Variants in KCNA6 observed in about 807,000 individuals in gnomAD.
The protein encoded by KCNA6 is potassium voltage-gated channel subfamily A member 6, also known as human brain potassium channel-2.
In KCNA6, 17 loss-of-function variants were observed where a neutral mutation model predicts 29.5. The ratio of observed to expected loss-of-function variants is 0.58; its 90% confidence interval spans 0.39 to 0.86. The LOEUF is 0.86. Among genes scored for constraint, KCNA6 ranks in the 40% least tolerant of loss-of-function variants. The probability of loss-of-function intolerance (pLI) is 0.00; values close to 1 mark genes in which losing one functional copy is unlikely to be tolerated. For synonymous variants in KCNA6, 296 were observed against 304.7 expected (o/e 0.97, Z 0.30); for missense variants, 450 against 703.4 (o/e 0.64, Z 4.07).
the KCNA6 span, among the ~76,000 whole-genome samples, chr12:4,827,447 A>G: frequency 3.9e-5 from 6 of 152,174 alleles, no homozygotes; most frequent in Non-Finnish European, 8.8e-5. Flanking sequence ...AGACATTTCT[A>G]TATTAAGGAG....
At chr12:4,834,126 G>C in the KCNA6 span, among the ~76,000 whole-genome samples, 3 of 151,752 alleles carry the variant, frequency 2.0e-5, no homozygotes, top group Non-Finnish European at 1.5e-5. Flanking sequence ...GTAGAGACAG[G>C]GTCTTGCTAT....
chr12:4,835,775 A>G, the KCNA6 span, among the ~76,000 whole-genome samples: 1 of 152,158 alleles, frequency 6.6e-6, no homozygotes, highest in South Asian at 2.1e-4. Flanking sequence ...ACCGAAGCCA[A>G]TATGTGTACC....
At chr12:4,843,898 A>G in the KCNA6 span, among the ~76,000 whole-genome samples, 1 of 152,142 alleles carries the variant, frequency 6.6e-6, no homozygotes, top group Admixed American at 6.5e-5. Flanking sequence ...ACCTACCTCT[A>G]ATATTGGAGA....
At chr12:4,845,410 C>A in the KCNA6 span, among the ~76,000 whole-genome samples, 3 of 152,182 alleles carry the variant, frequency 2.0e-5, no homozygotes. Flanking sequence ...CAACGCTTTT[C>A]TGATTGCTTT....
At chr12:4,814,024 C>T (rs1006553248), downstream of KCNA6, 2 of 167,036 alleles carry the variant, frequency 1.2e-5, no homozygotes, top group African/African-American at 4.8e-5. The surrounding 1 kb of genome is among the most constrained non-coding windows in gnomAD (Gnocchi z 4.6). Flanking sequence ...TACATCTTCC[C>T]AGCTTCTCAA....
chr12:4,844,622 G>A, the KCNA6 span, among the ~76,000 whole-genome samples: 1 of 152,088 alleles, frequency 6.6e-6, no homozygotes, highest in Non-Finnish European at 1.5e-5. This position sits in a 1 kb window ranked among gnomAD's most constrained non-coding sequence, Gnocchi z 4.0. Flanking sequence ...GAGGAGGAGA[G>A]TAATTTGGGT....
the KCNA6 span, among the ~76,000 whole-genome samples, chr12:4,844,816 C>A: frequency 3.3e-5 from 5 of 152,252 alleles, no homozygotes; most frequent in East Asian, 9.6e-4. This position sits in a 1 kb window ranked among gnomAD's most constrained non-coding sequence, Gnocchi z 4.0. Flanking sequence ...CTATCAAAGA[C>A]TATTTTCTGC....
Position 4,810,213 on chromosome 12 carries a change from A to C in KCNA6, c.172A>C (p.Thr58Pro), listed in dbSNP as rs1352400391. 1 of 1,613,512 alleles carries C rather than the reference A, an allele frequency of 6.2e-7. No individual in the cohort carries two copies. ...GCTGCGCTTTGAGACACAATTGCGCACCCTGTCGCTGTTTCCGGACACGCT... is the reference window on the plus strand; with the variant it reads ...GCTGCGCTTTGAGACACAATTGCGCCCCCTGTCGCTGTTTCCGGACACGCT... Residue 58 changes from threonine to proline, a missense_variant, in exon 1 of 1, where the codon ACC (threonine) becomes CCC (proline). Transcript: ENST00000280684. The surrounding 1 kb of genome is among the most constrained non-coding windows in gnomAD (Gnocchi z 7.5).
At chr12:4,835,298 C>A in the KCNA6 span, among the ~76,000 whole-genome samples, 18 of 151,938 alleles carry the variant, frequency 1.2e-4, no homozygotes, top group African/African-American at 4.1e-4. Flanking sequence ...CTGCGCCTGG[C>A]TAATTTTTTG....
In KCNA6 at chr12:4,810,373, A is replaced by G. The variant is rs758200741; in HGVS notation, c.332A>G (p.Asn111Ser). 9.3e-6 allele frequency: 15 copies of G among 1,614,020 alleles called. No individual in the cohort carries two copies. The highest frequency in any genetic ancestry group is 8.8e-5 in the South Asian group (8 of 91,086). ...GGGGGCCGCCTGCGGAGGCCGGTCA[A>G]CGTGCCCCTGGACATTTTCCTGGAG... Residue 111 changes from asparagine to serine, a missense_variant, in exon 1 of 1, where the codon AAC (asparagine) becomes AGC (serine). Physicochemically the swap from Asn to Ser is conservative, Grantham distance 46 (BLOSUM62 1). This residue lies in a region of KCNA6 where 133 missense variants were observed against 217.5 expected (regional missense o/e 0.61). Transcript: ENST00000280684. This position sits in a 1 kb window ranked among gnomAD's most constrained non-coding sequence, Gnocchi z 7.5.
At chr12:4,842,324 T>G in the KCNA6 span, among the ~76,000 whole-genome samples, 1 of 152,198 alleles carries the variant, frequency 6.6e-6, no homozygotes, top group Non-Finnish European at 1.5e-5. Flanking sequence ...ATGGTAAGTA[T>G]GAGCACGGTG....
chr12:4,809,344 G>A (rs906208970), exon 1 of KCNA6: 3 of 152,110 alleles, frequency 2.0e-5, no homozygotes, highest in African/African-American at 7.2e-5. Flanking sequence ...AGAGCGGAGA[G>A]CCGAGCCGCT....
At position 4,811,741 on chromosome 12, in the gene KCNA6, C is replaced by T; in HGVS notation, c.*110C>T. ...TTCAGTTGACTTCTTGACTCTCTCC[C>T]CTACACCCACTACCTGGCATCCAGG... On this transcript the variant is annotated 3_prime_UTR_variant, in exon 1 of 1. Transcript: ENST00000280684. This position sits in a 1 kb window ranked among gnomAD's most constrained non-coding sequence, Gnocchi z 7.1. 3.1e-6 allele frequency: 4 copies of T among 1,273,600 alleles called. No individual in the cohort carries two copies. The South Asian group carries it at 5.8e-5, about 18-fold the overall frequency. 78.9% of individuals were successfully genotyped at this position (1,273,600 alleles called of 1,614,324 possible).
the KCNA6 span, among the ~76,000 whole-genome samples, chr12:4,823,834 CT>C: frequency 2.0e-5 from 3 of 152,130 alleles, no homozygotes; most frequent in African/African-American, 7.2e-5. Context: ...CTCTCTTTTT[CT>C]TACTGCATGC....
the KCNA6 span, among the ~76,000 whole-genome samples, chr12:4,833,140 A>G: frequency 3.3e-5 from 5 of 152,326 alleles, no homozygotes; most frequent in Non-Finnish European, 5.9e-5. Flanking sequence ...TTCGTAATGC[A>G]TCAGTTAGCT....
At chr12:4,814,715 T>C (rs1466810527), downstream of KCNA6, 1 of 167,116 alleles carries the variant, frequency 6.0e-6, no homozygotes, top group Non-Finnish European at 1.5e-5. The surrounding 1 kb of genome is among the most constrained non-coding windows in gnomAD (Gnocchi z 4.6). Context: ...GCTGCCAGCC[T>C]CAGCCTGAGA....
the KCNA6 span, among the ~76,000 whole-genome samples, chr12:4,847,794 C>G: frequency 6.6e-6 from 1 of 152,180 alleles, no homozygotes; most frequent in Non-Finnish European, 1.5e-5. Context: ...AAGAAGCTTA[C>G]TGGAATCTCT....
At chr12:4,815,461 A>G (rs1391089149), downstream of KCNA6, among the ~76,000 whole-genome samples, 1 of 152,152 alleles carries the variant, frequency 6.6e-6, no homozygotes. Flanking sequence ...GAGGGAGAGA[A>G]TGACCCTGAG....
chr12:4,839,899 G>A, the KCNA6 span, among the ~76,000 whole-genome samples: 2 of 152,122 alleles, frequency 1.3e-5, no homozygotes, highest in East Asian at 1.9e-4. Flanking sequence ...GACTCCAAAG[G>A]CAAAGTGCTT....
Sources: allele counts gnomAD v4.1 joint callset (sites outside exome capture counted in the v4.1 genomes callset), GRCh38; gene constraint gnomAD v4.1.1; regional missense constraint gnomAD v4.1.1; non-coding constraint Gnocchi (gnomAD v3.1); transcripts MANE v1.5; gene names NCBI Gene and HGNC (gene_info 2026-07-23, HGNC 2026-07-21).